PTPRN2: variants seen among roughly 807,000 people sequenced by gnomAD.
PTPRN2 encodes receptor-type tyrosine-protein phosphatase N2.
PTPRN2 carries 74 observed loss-of-function variants against 118.8 expected under a neutral mutation model. The ratio of observed to expected loss-of-function variants is 0.62; its 90% CI spans 0.52 to 0.76. The LOEUF (loss-of-function observed/expected upper bound fraction) is 0.76, where lower values mean the gene tolerates loss of function less well. Among genes scored for constraint, PTPRN2 ranks in the 30% least tolerant of loss-of-function variants. The pLI is 0.00. For missense variants in PTPRN2, 1,481 were observed against 1,394.4 expected (o/e 1.06, Z -0.99); for synonymous variants, 641 against 608.0 (o/e 1.05, Z -0.80).
chr7:158,110,129 G>A (rs1290680356), intron 10 of PTPRN2, among the ~76,000 whole-genome samples: 17 of 152,216 alleles, frequency 1.1e-4, no homozygotes, highest in Non-Finnish European at 5.9e-5. Flanking sequence ...CTTGTCTCAC[G>A]TCCTCTGTGG....
chr7:157,771,971 C>A (rs1175221519), intron 12 of PTPRN2, among the ~76,000 whole-genome samples: 1 of 151,752 alleles, frequency 6.6e-6, no homozygotes, highest in African/African-American at 2.4e-5. Flanking sequence ...CAGACACACA[C>A]ACATACACAC....
At chr7:158,476,264 A>G (rs1820253965) in intron 2 of PTPRN2, among the ~76,000 whole-genome samples, 1 of 152,224 alleles carries the variant, frequency 6.6e-6, no homozygotes, top group South Asian at 2.1e-4. Context: ...TTGGCCTCCC[A>G]CAGTGCTGGG....
chr7:158,062,828 T>A (rs1455274176), intron 11 of PTPRN2, among the ~76,000 whole-genome samples: 1 of 152,212 alleles, frequency 6.6e-6, no homozygotes, highest in Non-Finnish European at 1.5e-5. Flanking sequence ...GCGCGGGATC[T>A]GCAGCCCACC....
chr7:158,206,116 T>G (rs901195165), intron 3 of PTPRN2, among the ~76,000 whole-genome samples: 1 of 152,148 alleles, frequency 6.6e-6, no homozygotes, highest in African/African-American at 2.4e-5. Context: ...AGGGTGCTAG[T>G]GTCACCCTTC....
In PTPRN2 at chr7:158,544,575, T is replaced by G. The variant is rs1246052381; in HGVS notation, c.112+42983A>C. 6.6e-6 allele frequency among the ~76,000 whole-genome samples: 1 copy of G among 151,796 alleles called. No individual in the cohort carries two copies. Among genetic ancestry groups the G allele is most frequent in the Non-Finnish European group, 1.5e-5 (1 of 67,982 alleles). On this transcript the variant is annotated intron_variant, in intron 1 of 22. Transcript: ENST00000389418. The surrounding 1 kb of genome is among the most constrained non-coding windows in gnomAD (Gnocchi z 4.2). The stretch of plus-strand genomic sequence containing the variant: ...ATCACTTGAACCTGGGACGTGGAGG[T>G]TGCAGTGAGCCAAGATCGCACCATT...
chr7:157,906,317 C>T (rs529206602), intron 11 of PTPRN2, among the ~76,000 whole-genome samples: 244 of 152,340 alleles, frequency 1.6e-3, no homozygotes, highest in South Asian at 6.0e-3. Flanking sequence ...TGGGCCCAGG[C>T]GAGCTGCCGT....
intron 2 of PTPRN2, among the ~76,000 whole-genome samples, chr7:158,391,461 C>G (rs1280966522): frequency 6.6e-6 from 1 of 152,222 alleles, no homozygotes; most frequent in East Asian, 1.9e-4. Context: ...GAGACCATGT[C>G]CTGGGAAGGT....
chr7:157,942,057 G>A (rs1366493749), intron 11 of PTPRN2, among the ~76,000 whole-genome samples: 2 of 151,382 alleles, frequency 1.3e-5, no homozygotes, highest in Non-Finnish European at 2.9e-5. Context: ...TCCACACATG[G>A]GGGTCTGCAG....
At position 158,075,705 on chromosome 7, in the gene PTPRN2, G is replaced by A. The variant is rs539693838; in HGVS notation, c.1723+5593C>T. 7.9e-5 allele frequency among the ~76,000 whole-genome samples: 12 copies of A among 152,366 alleles called. No homozygotes were observed. In the South Asian group the frequency reaches 1.7e-3, roughly 21 times the overall value. ...GATGTTCTAAGAGCAGGAGGAGAGC[G>A]TGGTGCTTCCCTCTGAGCATCTCCC... On this transcript the variant is annotated intron_variant, in intron 11 of 22. Coordinates refer to ENST00000389418, the MANE Select transcript of PTPRN2 (RefSeq NM_002847.5).
At chr7:158,245,921 G>A (rs187537094) in intron 3 of PTPRN2, among the ~76,000 whole-genome samples, 8 of 152,040 alleles carry the variant, frequency 5.3e-5, no homozygotes, top group East Asian at 3.9e-4. Context: ...AGTCTGGCTC[G>A]CAGGCACACT....
chr7:157,681,431 T>C (rs1796911192), intron 13 of PTPRN2, among the ~76,000 whole-genome samples: 1 of 152,260 alleles, frequency 6.6e-6, no homozygotes, highest in African/African-American at 2.4e-5. Flanking sequence ...AGCTATGCAC[T>C]GCAACTGAAA....
At chr7:157,602,622 G>T (rs958110359) in intron 16 of PTPRN2, among the ~76,000 whole-genome samples, 1 of 144,782 alleles carries the variant, frequency 6.9e-6, no homozygotes, top group Non-Finnish European at 1.5e-5. Flanking sequence ...AGAGCTGAGC[G>T]CCATCTGCCA....
At chr7:158,131,799 TACAC>T (rs923114355) in intron 9 of PTPRN2, among the ~76,000 whole-genome samples, 4 of 133,868 alleles carry the variant, frequency 3.0e-5, no homozygotes, top group East Asian at 2.4e-4. Flanking sequence ...TACACACTCA[TACAC>T]ACACACACAA....
rs1201488315 is a variant in PTPRN2 at position 158,201,954 on chromosome 7, G to A, written c.380+3217C>T. ...TCCTGAGGGCTGCATCACGGGCTAT[G>A]GCCACTCATATTTGGCTCAGAATAC... On this transcript the variant is annotated intron_variant, in intron 4 of 22. Transcript: ENST00000389418. 2.0e-5 allele frequency among the ~76,000 whole-genome samples: 3 copies of A among 152,214 alleles called. No homozygotes were observed. The East Asian group carries it at 5.8e-4, about 29-fold the overall frequency.
intron 10 of PTPRN2, among the ~76,000 whole-genome samples, chr7:158,091,504 G>A (rs1208292525): frequency 6.6e-6 from 1 of 152,200 alleles, no homozygotes; most frequent in Non-Finnish European, 1.5e-5. Flanking sequence ...CTGCTGGCTT[G>A]ACAGACTGAC....
chr7:158,171,955 A>C (rs1275153382), intron 5 of PTPRN2, among the ~76,000 whole-genome samples: 1 of 152,230 alleles, frequency 6.6e-6, no homozygotes, highest in Non-Finnish European at 1.5e-5. Flanking sequence ...TGAAGTCTTC[A>C]AACTATGTGT....
At chr7:158,486,055 T>C (rs113984512) in intron 2 of PTPRN2, among the ~76,000 whole-genome samples, 252 of 152,382 alleles carry the variant, frequency 1.7e-3, no homozygotes, top group African/African-American at 5.9e-3. Context: ...ATTTGTCTAC[T>C]GTTTTAAAAT....
intron 12 of PTPRN2, among the ~76,000 whole-genome samples, chr7:157,821,603 T>C (rs1030480489): frequency 6.6e-6 from 1 of 152,060 alleles, no homozygotes; most frequent in African/African-American, 2.4e-5. Flanking sequence ...TTGATGAGGA[T>C]TGAAGAGTGG....
intron 6 of PTPRN2, among the ~76,000 whole-genome samples, chr7:158,162,275 C>T (rs1563539317): frequency 6.6e-6 from 1 of 152,188 alleles, no homozygotes. Context: ...TATATCCACA[C>T]AAAAACCTGC....
Sources: allele counts gnomAD v4.1 joint callset (sites outside exome capture counted in the v4.1 genomes callset), GRCh38; gene constraint gnomAD v4.1.1; non-coding constraint Gnocchi (gnomAD v3.1); transcripts MANE v1.5; gene names NCBI Gene and HGNC (gene_info 2026-07-23, HGNC 2026-07-21).